The following PXDNL variants were observed in gnomAD, a reference collection of about 807,000 sequenced individuals.
The protein encoded by PXDNL is probable oxidoreductase PXDNL.
PXDNL carries 145 observed loss-of-function variants against 150.8 expected under a neutral mutation model. The observed-to-expected ratio is 0.96, with a 90% confidence interval of 0.84 to 1.10. PXDNL has a LOEUF of 1.10. Ranked by LOEUF, PXDNL falls within the 50% of genes least tolerant of loss-of-function variation. The pLI, the probability that PXDNL is intolerant of heterozygous loss-of-function variation, is 0.00. For synonymous variants in PXDNL, 757 were observed against 725.7 expected, an observed-to-expected ratio of 1.04 and a Z score of -0.69; for missense variants, 2,087 against 1,873.9, an observed-to-expected ratio of 1.11 and a Z score of -2.10.
chr8:51,561,178 A>G lies in PXDNL; in HGVS notation c.309-4267T>C, dbSNP rs74504827. ...GGTAGGAATGTAAATTGGTACAGCC[A>G]CTATGAAAAACTGTATGGAGAGTCC... On this transcript the variant is annotated intron_variant, in intron 3 of 22. Transcript: ENST00000356297. Among the ~76,000 whole-genome samples the G allele has an allele frequency of 1.5e-3, 221 of 152,126 alleles. 1 individual carries two copies. In the East Asian group the frequency reaches 0.038, roughly 26 times the overall value.
At chr8:51,677,960 G>A (rs1219679241) in intron 1 of PXDNL, among the ~76,000 whole-genome samples, 3 of 152,136 alleles carry the variant, frequency 2.0e-5, no homozygotes, top group Non-Finnish European at 2.9e-5. Context: ...TGAGTTCCTG[G>A]AGTATGTGCT....
intron 2 of PXDNL, among the ~76,000 whole-genome samples, chr8:51,649,514 G>A (rs916880860): frequency 6.6e-6 from 1 of 152,078 alleles, no homozygotes; most frequent in Non-Finnish European, 1.5e-5. Context: ...GATCCAAGGA[G>A]TAAAACAATT....
chr8:51,806,011 A>G (rs2037671440), intron 1 of PXDNL, among the ~76,000 whole-genome samples: 1 of 152,226 alleles, frequency 6.6e-6, no homozygotes, highest in Admixed American at 6.5e-5. Context: ...AATCCACGGC[A>G]CAAAGAGTGA....
chr8:51,792,771 G>C (rs1029548659), intron 1 of PXDNL, among the ~76,000 whole-genome samples: 1 of 152,300 alleles, frequency 6.6e-6, no homozygotes, highest in African/African-American at 2.4e-5. Context: ...CTCACTGGGC[G>C]GGGCCTCCCT....
intron 1 of PXDNL, among the ~76,000 whole-genome samples, chr8:51,735,595 G>A (rs1230190460): frequency 8.1e-6 from 1 of 123,574 alleles, no homozygotes. Context: ...CGCCCAGGCT[G>A]GAGTGCAGTG....
At chr8:51,723,537 G>A (rs887170445) in intron 1 of PXDNL, among the ~76,000 whole-genome samples, 2 of 152,218 alleles carry the variant, frequency 1.3e-5, no homozygotes, top group African/African-American at 2.4e-5. Flanking sequence ...AGGCTCTGCT[G>A]TGGCCCAAAT....
At chr8:51,752,042 A>C (rs1294766670) in intron 1 of PXDNL, among the ~76,000 whole-genome samples, 1 of 152,184 alleles carries the variant, frequency 6.6e-6, no homozygotes, top group African/African-American at 2.4e-5. Flanking sequence ...AAAATTACAA[A>C]GTTTTCCAGG....
chr8:51,333,797 C>T (rs1805761635), intron 21 of PXDNL, among the ~76,000 whole-genome samples: 1 of 152,188 alleles, frequency 6.6e-6, no homozygotes, highest in Non-Finnish European at 1.5e-5. Context: ...GCACCTAACA[C>T]TGGAGCTCCC....
intron 13 of PXDNL, 45 bp downstream of exon 13, chr8:51,426,601 C>A (rs2129761866): frequency 9.1e-7 from 1 of 1,098,230 alleles, no homozygotes; most frequent in East Asian, 2.5e-5. Flanking sequence ...GTCGATACAT[C>A]TGTCAGTGTT....
At chr8:51,436,060 C>T (rs1042279231) in intron 12 of PXDNL, 5 of 519,228 alleles carry the variant, frequency 9.6e-6, no homozygotes, top group Admixed American at 8.4e-5. Context: ...CCTAGCTGAA[C>T]TACAGATGAC....
At chr8:51,492,592 T>A (rs1208648929) in intron 5 of PXDNL, among the ~76,000 whole-genome samples, 1 of 152,192 alleles carries the variant, frequency 6.6e-6, no homozygotes, top group Non-Finnish European at 1.5e-5. Flanking sequence ...CCTAATACTA[T>A]GCTTTTCCAA....
chr8:51,535,837 A>G (rs1563454703), intron 4 of PXDNL, among the ~76,000 whole-genome samples: 1 of 152,144 alleles, frequency 6.6e-6, no homozygotes, highest in Non-Finnish European at 1.5e-5. Flanking sequence ...TAAAAAGAAA[A>G]GAATATTCCT....
At chr8:51,338,506 G>A (rs1563363787) in intron 21 of PXDNL, among the ~76,000 whole-genome samples, 1 of 152,220 alleles carries the variant, frequency 6.6e-6, no homozygotes, top group Non-Finnish European at 1.5e-5. Flanking sequence ...TAAATAAATT[G>A]ACTGGGTCAG....
chr8:51,378,816 G>T (rs979157343), intron 17 of PXDNL, among the ~76,000 whole-genome samples: 2 of 152,162 alleles, frequency 1.3e-5, no homozygotes, highest in Non-Finnish European at 2.9e-5. Context: ...AAGCCAGCAA[G>T]ACTATGAACC....
chr8:51,779,323 C>T (rs984322648), intron 1 of PXDNL, among the ~76,000 whole-genome samples: 11 of 152,262 alleles, frequency 7.2e-5, no homozygotes, highest in South Asian at 4.2e-4. Context: ...GACGGCGAGG[C>T]GAAGTCCCTG....
In PXDNL at chr8:51,360,217, A is replaced by T. The variant is rs549045321; in HGVS notation, c.3901+11656T>A. Among the ~76,000 whole-genome samples the T allele has an allele frequency of 3.3e-5, 5 of 152,280 alleles. No individual in the cohort carries two copies. In the South Asian group the frequency reaches 1.0e-3, roughly 32 times the overall value. ...TTTGTGTACACATATAAACATACCC[A>T]TACATGTATACAAATATGCATGTAC... On this transcript the variant is annotated intron_variant, in intron 19 of 22. Coordinates refer to ENST00000356297, the MANE Select transcript of PXDNL (RefSeq NM_144651.5).
At chr8:51,449,155 A>C in intron 10 of PXDNL, 37 bp from the exon 11 acceptor site, 1 of 1,177,216 alleles carries the variant, frequency 8.5e-7, no homozygotes, top group Non-Finnish European at 1.2e-6. Flanking sequence ...ATTGAAAATT[A>C]TTTTACAAAT....
At chr8:51,687,719 A>T (rs1815907740) in intron 1 of PXDNL, among the ~76,000 whole-genome samples, 1 of 152,178 alleles carries the variant, frequency 6.6e-6, no homozygotes, top group Non-Finnish European at 1.5e-5. Flanking sequence ...GATAATTTTT[A>T]AAAATAGTTA....
chr8:51,388,504 C>CTGA (rs1157489973), intron 17 of PXDNL, among the ~76,000 whole-genome samples: 1 of 152,148 alleles, frequency 6.6e-6, no homozygotes, highest in Non-Finnish European at 1.5e-5. Flanking sequence ...CATATCTAGA[C>CTGA]TGATACAGGT....
Sources: allele counts gnomAD v4.1 joint callset (sites outside exome capture counted in the v4.1 genomes callset), GRCh38; gene constraint gnomAD v4.1.1; transcripts MANE v1.5; gene names NCBI Gene and HGNC (gene_info 2026-07-23, HGNC 2026-07-21).